SORCS2: variants seen among roughly 807,000 people sequenced by gnomAD.
The protein encoded by SORCS2 is sortilin related VPS10 domain containing receptor 2.
A neutral mutation model predicts 141.6 loss-of-function variants in SORCS2; 100 were observed. That is an observed-to-expected ratio of 0.71 (90% CI 0.60 to 0.83). The LOEUF (loss-of-function observed/expected upper bound fraction) is 0.83. SORCS2 is among the 40% of genes least tolerant of loss of function. The pLI, the probability that SORCS2 is intolerant of heterozygous loss-of-function variation, is 0.00. For missense variants in SORCS2, 1,646 were observed against 1,560.2 expected (o/e 1.05, Z -0.93); for synonymous variants, 789 against 676.9 (o/e 1.17, Z -2.57).
At chr4:7,240,508 T>C (rs1033497462) in intron 1 of SORCS2, among the ~76,000 whole-genome samples, 5 of 152,144 alleles carry the variant, frequency 3.3e-5, no homozygotes, top group African/African-American at 1.2e-4. Flanking sequence ...TTCCTCTGAT[T>C]CTGCCGAACG....
At chr4:7,245,540 AG>A (rs1339227847) in intron 1 of SORCS2, among the ~76,000 whole-genome samples, 1 of 152,214 alleles carries the variant, frequency 6.6e-6, no homozygotes, top group African/African-American at 2.4e-5. Flanking sequence ...ATGATTCCTC[AG>A]GGTCTTTGGT....
rs1350783140 is a variant in SORCS2 at position 7,675,998 on chromosome 4, C to T, written c.1162-52C>T. 46 of 1,538,588 alleles carry T rather than the reference C, an allele frequency of 3.0e-5. No individual in the cohort carries two copies. The Middle Eastern group carries it at 9.0e-4, about 30-fold the overall frequency. On this transcript the variant is annotated intron_variant, in intron 8 of 26. Transcript: ENST00000507866. ...CTGTGCAGCCTGCTTCTTCCTCCCTCGTGCAGCCCCCAGCCTGGCTCTGAC... is the reference window on the plus strand; with the variant it reads ...CTGTGCAGCCTGCTTCTTCCTCCCTTGTGCAGCCCCCAGCCTGGCTCTGAC...
At chr4:7,562,115 G>A (rs916427120) in intron 3 of SORCS2, among the ~76,000 whole-genome samples, 10 of 152,336 alleles carry the variant, frequency 6.6e-5, no homozygotes, top group East Asian at 5.8e-4. Context: ...TGATCACCCA[G>A]TTAATTGAAC....
chr4:7,433,109 A>C lies in SORCS2; in HGVS notation c.548+36754A>C, dbSNP rs114025050. 7.4e-3 allele frequency: 3,304 copies of C among 448,396 alleles called. 97 individuals are homozygous for C. The highest frequency in any genetic ancestry group is 0.061 in the African/African-American group (3,025 of 49,826). 27.8% of individuals were successfully genotyped at this position (448,396 alleles called of 1,614,324 possible). A position where few individuals can be genotyped will look rare whatever the true frequency, so the allele number is the denominator to read the frequency against. On this transcript the variant is annotated intron_variant, in intron 2 of 26. Transcript: ENST00000507866. ...GCACATGAGTGTGTTCCGGTCCAGT[A>C]GAGATGCTTTCAAGGGCAAAGCTGT...
At chr4:7,556,699 C>T (rs750825791) in intron 3 of SORCS2, among the ~76,000 whole-genome samples, 4 of 151,892 alleles carry the variant, frequency 2.6e-5, no homozygotes, top group Admixed American at 6.6e-5. Flanking sequence ...TACCCTTCCA[C>T]CTACCCATCC....
intron 1 of SORCS2, among the ~76,000 whole-genome samples, chr4:7,326,736 G>A (rs527718308): frequency 9.2e-5 from 14 of 152,356 alleles, no homozygotes; most frequent in East Asian, 7.7e-4. Flanking sequence ...CTGGGACAGC[G>A]GAGAGGCTGG....
chr4:7,198,430 A>G (rs2108854243), intron 1 of SORCS2, among the ~76,000 whole-genome samples: 1 of 152,236 alleles, frequency 6.6e-6, no homozygotes, highest in East Asian at 1.9e-4. Context: ...TTTTGTATTT[A>G]AGTATGCTGA....
At chr4:7,344,874 C>A (rs1176772128) in intron 1 of SORCS2, among the ~76,000 whole-genome samples, 1 of 152,184 alleles carries the variant, frequency 6.6e-6, no homozygotes, top group Admixed American at 6.5e-5. Context: ...GCGTGAGGAG[C>A]ACAGTGGATC....
intron 3 of SORCS2, among the ~76,000 whole-genome samples, chr4:7,570,016 C>A (rs184894887): frequency 6.6e-6 from 1 of 152,116 alleles, no homozygotes; most frequent in African/African-American, 2.4e-5. Flanking sequence ...GGGCTCCCAG[C>A]GTTTTCAAGG....
rs1386571999 is a variant in SORCS2, at chr4:7,723,873, C to T, written c.2601C>T (p.Val867=). ...GCCACGATGAGGCGGTGCTCTTTGT[C>T]CAGGTCAACTGTAAGTTTATTGCCC... The part of the protein sequence containing the change: ...TAGHDEAVLF[V]QVNSPLQALY... The change falls in exon 19 of 27, where the codon GTC becomes GTT. Residue 867 remains valine (V), a synonymous_variant. Coordinates refer to ENST00000507866, the MANE Select transcript of SORCS2 (RefSeq NM_020777.3). The T allele has an allele frequency of 4.4e-6, 7 of 1,605,158 alleles. No homozygotes were observed. The highest frequency in any genetic ancestry group is 5.1e-6 in the Non-Finnish European group (6 of 1,178,228).
At chr4:7,569,452 C>T (rs535217650) in intron 3 of SORCS2, among the ~76,000 whole-genome samples, 61 of 152,234 alleles carry the variant, frequency 4.0e-4, no homozygotes, top group African/African-American at 1.1e-3. Context: ...GCGGAGGTTG[C>T]GGTGAGCTGA....
intron 1 of SORCS2, among the ~76,000 whole-genome samples, chr4:7,352,828 A>G (rs1436017262): frequency 6.6e-6 from 1 of 152,078 alleles, no homozygotes; most frequent in Non-Finnish European, 1.5e-5. Context: ...AACTTTGGTG[A>G]AGTCACGGCC....
intron 2 of SORCS2, among the ~76,000 whole-genome samples, chr4:7,514,597 G>A (rs1732861298): frequency 6.6e-6 from 1 of 152,042 alleles, no homozygotes; most frequent in Non-Finnish European, 1.5e-5. Flanking sequence ...GGGGTGTCTG[G>A]GAAGGAGAGG....
intron 1 of SORCS2, among the ~76,000 whole-genome samples, chr4:7,292,858 C>T (rs562941941): frequency 6.6e-6 from 1 of 152,318 alleles, no homozygotes; most frequent in African/African-American, 2.4e-5. Flanking sequence ...TTCCAGAAGG[C>T]ATTTACTAAT....
chr4:7,667,689 G>C (rs1722582460), intron 8 of SORCS2, among the ~76,000 whole-genome samples: 1 of 152,188 alleles, frequency 6.6e-6, no homozygotes, highest in Admixed American at 6.5e-5. Flanking sequence ...CAGCCACCTA[G>C]TATGCTGCCT....
chr4:7,241,762 C>T (rs910633156), intron 1 of SORCS2, among the ~76,000 whole-genome samples: 1 of 152,192 alleles, frequency 6.6e-6, no homozygotes, highest in Non-Finnish European at 1.5e-5. Flanking sequence ...CTTCTGAGTG[C>T]CTCACATCCG....
chr4:7,659,167 A>G (rs1467101020), intron 5 of SORCS2, among the ~76,000 whole-genome samples: 1 of 152,090 alleles, frequency 6.6e-6, no homozygotes, highest in African/African-American at 2.4e-5. Context: ...AGAAAGTGGC[A>G]GGTAGATGAC....
At chr4:7,206,791 A>G (rs538702939) in intron 1 of SORCS2, among the ~76,000 whole-genome samples, 7 of 152,278 alleles carry the variant, frequency 4.6e-5, no homozygotes, top group African/African-American at 1.4e-4. Context: ...GGGCATTTAA[A>G]TAGCATCCTT....
chr4:7,488,482 A>G (rs1731125162), intron 2 of SORCS2, among the ~76,000 whole-genome samples: 1 of 152,082 alleles, frequency 6.6e-6, no homozygotes, highest in Non-Finnish European at 1.5e-5. Flanking sequence ...TGCCCCCTCT[A>G]CCTGGGCTCG....
Sources: gnomAD v4.1 joint callset for allele counts (sites outside exome capture counted in the v4.1 genomes callset) on GRCh38, gnomAD v4.1.1 for gene constraint, MANE v1.5 for transcripts, NCBI Gene and HGNC (gene_info 2026-07-23, HGNC 2026-07-21) for gene names.